RAPGEF2: variants seen among roughly 807,000 people sequenced by gnomAD.
The protein encoded by RAPGEF2 is Rap guanine nucleotide exchange factor 2.
A neutral mutation model predicts 186.7 loss-of-function variants in RAPGEF2; 54 were observed. The observed-to-expected ratio is 0.29, with a 90% confidence interval of 0.23 to 0.36. The LOEUF is 0.36. Among genes scored for constraint, RAPGEF2 ranks in the 10% least tolerant of loss-of-function variants. RAPGEF2 has a pLI of 1.00. For missense variants in RAPGEF2, 1,532 were observed against 2,045.0 expected (o/e 0.75, Z 4.84); for synonymous variants, 712 against 705.9 (o/e 1.01, Z -0.14).
intron 10 of RAPGEF2, 101 bp from the exon 11 acceptor site, chr4:159,323,358 A>T: frequency 9.9e-7 from 1 of 1,006,386 alleles, no homozygotes; most frequent in Non-Finnish European, 1.4e-6. Flanking sequence ...TTTATCTCCA[A>T]AATGGAAGAT....
chr4:159,126,435 CT>C (rs1314965973), intron 1 of RAPGEF2, among the ~76,000 whole-genome samples: 1 of 151,706 alleles, frequency 6.6e-6, no homozygotes, highest in African/African-American at 2.4e-5. Flanking sequence ...AACTTAAAAT[CT>C]GGCTTTTTGC....
At chr4:159,330,547 A>C in intron 13 of RAPGEF2, 49 bp downstream of exon 13, 1 of 1,343,216 alleles carries the variant, frequency 7.4e-7, no homozygotes. Context: ...TGTAAACCTA[A>C]AGATACTTTA....
At chr4:159,210,396 TTA>T in intron 3 of RAPGEF2, 102 bp from the exon 4 acceptor site, 2 of 680,194 alleles carry the variant, frequency 2.9e-6, no homozygotes, top group Non-Finnish European at 4.9e-6. Context: ...CTATTCTTTA[TTA>T]TTTTAAAAGT....
Position 159,350,229 on chromosome 4 carries a change from T to C in RAPGEF2, c.3805T>C (p.Ser1269Pro). ...RHKKQAEDTI[S>P]NASSQLSSPP... ...CAAGAAACAGGCTGAAGATACAATA[T>C]CAAATGCATCTTCGCAGCTTTCTTC... Residue 1269 changes from serine to proline, a missense_variant, in exon 26 of 30, where the codon TCA (serine) becomes CCA (proline). Coordinates refer to ENST00000691494, the MANE Select transcript of RAPGEF2 (RefSeq NM_001394067.2). The C allele has an allele frequency of 6.2e-7, 1 of 1,600,496 alleles. No individual in the cohort carries two copies. The highest frequency in any genetic ancestry group is 8.5e-7 in the Non-Finnish European group (1 of 1,173,312).
chr4:159,112,789 A>AG (rs1345144387), intron 1 of RAPGEF2, among the ~76,000 whole-genome samples: 3 of 152,240 alleles, frequency 2.0e-5, no homozygotes, highest in Non-Finnish European at 4.4e-5. Flanking sequence ...ATATCATCAT[A>AG]GATCAGTATC....
At chr4:159,203,453 G>T (rs557513937) in intron 3 of RAPGEF2, among the ~76,000 whole-genome samples, 1 of 152,166 alleles carries the variant, frequency 6.6e-6, no homozygotes, top group Non-Finnish European at 1.5e-5. Flanking sequence ...CCTGCGTCAC[G>T]TGAGCATGTA....
Position 159,104,049 on chromosome 4 carries a change from T to G in RAPGEF2, c.-114T>G. 4.5e-6 allele frequency: 2 copies of G among 443,304 alleles called. No homozygotes were observed. The highest frequency in any genetic ancestry group is 6.2e-6 in the Non-Finnish European group (2 of 323,946). The allele number at this position is 443,304 out of a possible 1,614,324, so 27.5% of individuals were successfully genotyped here. On this transcript the variant is annotated 5_prime_UTR_variant, in exon 1 of 30. Transcript: ENST00000691494. ...GCCGCCGCCGCCGCGGTTTGGCTGA[T>G]TAGTCGCGGGCGGGCGGGCGGGCGC...
intron 1 of RAPGEF2, among the ~76,000 whole-genome samples, chr4:159,163,622 CAT>C (rs1744953052): frequency 6.6e-6 from 1 of 152,152 alleles, no homozygotes; most frequent in African/African-American, 2.4e-5. Context: ...CTGTCTAAGA[CAT>C]GTCAAGAAAA....
intron 1 of RAPGEF2, among the ~76,000 whole-genome samples, chr4:159,186,236 G>A (rs1747542375): frequency 6.6e-6 from 1 of 151,870 alleles, no homozygotes; most frequent in African/African-American, 2.4e-5. Flanking sequence ...CCATTTTTAA[G>A]TGTAGCCAGG....
At chr4:159,268,067 C>G in intron 7 of RAPGEF2, 7 of 1,362,296 alleles carry the variant, frequency 5.1e-6, no homozygotes, top group Middle Eastern at 2.2e-4. Context: ...TTTCCTTTTT[C>G]TTTTAATTTA....
chr4:159,115,113 A>G (rs1738901760), intron 1 of RAPGEF2, among the ~76,000 whole-genome samples: 1 of 151,930 alleles, frequency 6.6e-6, no homozygotes. Flanking sequence ...CCCCAGTCCC[A>G]CGGATTAGCC....
chr4:159,159,327 T>G (rs1180749671), intron 1 of RAPGEF2, among the ~76,000 whole-genome samples: 2 of 152,224 alleles, frequency 1.3e-5, no homozygotes, highest in Non-Finnish European at 2.9e-5. Flanking sequence ...AGGAAAAATG[T>G]GTTGCTTCAA....
intron 3 of RAPGEF2, 132 bp downstream of exon 3, chr4:159,193,388 C>T (rs1748316163): frequency 4.6e-6 from 2 of 435,310 alleles, no homozygotes; most frequent in Non-Finnish European, 7.9e-6. Context: ...AAATGGGAAA[C>T]ATTTTATCTG....
rs1729501505 is a variant in RAPGEF2 at position 159,341,768 on chromosome 4, C to G, written c.2739C>G (p.Thr913=). 6.2e-7 allele frequency: 1 copy of G among 1,613,952 alleles called. No homozygotes were observed. The highest frequency in any genetic ancestry group is 8.5e-7 in the Non-Finnish European group (1 of 1,179,896). ...ATTTATTTAAACTCAGATCAAAAAC[C>G]AGCTGTGCCAACCTGAAGAGATTTG... is the stretch of plus-strand genomic sequence containing the variant. ...IDDLFKLRSK[T]SCANLKRFEE... Residue 913 remains threonine, a synonymous_variant, in exon 20 of 30, where the codon ACC becomes ACG. Transcript: ENST00000691494.
chr4:159,136,658 A>C (rs1741756781), intron 1 of RAPGEF2, among the ~76,000 whole-genome samples: 1 of 152,174 alleles, frequency 6.6e-6, no homozygotes, highest in Non-Finnish European at 1.5e-5. Flanking sequence ...GAAGTGTTTA[A>C]TGTTGAATAT....
chr4:159,275,739 A>G (rs766359133), intron 7 of RAPGEF2, among the ~76,000 whole-genome samples: 1 of 152,130 alleles, frequency 6.6e-6, no homozygotes, highest in Non-Finnish European at 1.5e-5. Flanking sequence ...TCAGTGGGCA[A>G]AAATTTACTA....
At chr4:159,347,616 C>G (rs1184563350) in intron 25 of RAPGEF2, among the ~76,000 whole-genome samples, 1 of 152,146 alleles carries the variant, frequency 6.6e-6, no homozygotes, top group Non-Finnish European at 1.5e-5. Flanking sequence ...AACCCTGTCT[C>G]TACTAAAAAT....
At chr4:159,307,368 C>G (rs974226798) in intron 8 of RAPGEF2, among the ~76,000 whole-genome samples, 2 of 152,070 alleles carry the variant, frequency 1.3e-5, no homozygotes, top group Admixed American at 1.3e-4. Context: ...TAGTTATATA[C>G]TTTTCTCAGT....
chr4:159,181,828 C>A (rs1240363238), intron 1 of RAPGEF2, among the ~76,000 whole-genome samples: 1 of 152,170 alleles, frequency 6.6e-6, no homozygotes, highest in Non-Finnish European at 1.5e-5. Flanking sequence ...TGTGAGCCAC[C>A]ATGCCTGGCC....
Sources: gnomAD v4.1 joint callset for allele counts (sites outside exome capture counted in the v4.1 genomes callset) on GRCh38, gnomAD v4.1.1 for gene constraint, MANE v1.5 for transcripts, NCBI Gene and HGNC (gene_info 2026-07-23, HGNC 2026-07-21) for gene names.